Variants in GAGE1 observed in about 807,000 individuals in gnomAD.
GAGE1 encodes G antigen 4.
GAGE1 carries 5 observed loss-of-function variants against 5.0 expected under a neutral mutation model. The ratio of observed to expected loss-of-function variants is 1.00; its 90% confidence interval spans 0.52 to 2.11. The LOEUF (loss-of-function observed/expected upper bound fraction) is 2.11, where lower values mean the gene tolerates loss of function less well. Ranked by LOEUF, GAGE1 falls within the 30% of genes most tolerant of loss-of-function variation. GAGE1 has a pLI of 0.01. For synonymous variants in GAGE1, 6 were observed against 14.8 expected (o/e 0.40, Z 1.37); for missense variants, 9 against 38.9 (o/e 0.23, Z 2.04).
intron 4 of GAGE1, chrX:49,605,127 A>G (rs1449003296): frequency 1.1e-5 from 11 of 1,006,254 alleles, no homozygotes; most frequent in Admixed American, 7.5e-5. Context: ...TTTAGTTCCT[A>G]TCATCTGTGG....
At position 49,602,427 on chromosome X, in the gene GAGE1, C is replaced by T. The variant is rs1253685766; in HGVS notation, c.206-1241C>T. Among the ~76,000 whole-genome samples, 5 of 77,060 alleles carry T rather than the reference C, an allele frequency of 6.5e-5. 2 individuals carry two copies. Among genetic ancestry groups the T allele is most frequent in the Admixed American group, 2.7e-4 (2 of 7,350 alleles). 66.9% of individuals were successfully genotyped at this position (77,060 alleles called of 115,157 possible). A position where few individuals can be genotyped will look rare whatever the true frequency, so the allele number is the denominator to read the frequency against. On this transcript the variant is annotated intron_variant, in intron 3 of 4. Coordinates refer to ENST00000381700, the MANE Select transcript of GAGE1 (RefSeq NM_001040663.4). ...TCCTGTATGTATCTTCAAGTCATAG[C>T]ATTCATAGAAAATTTGCAAGAATAG...
chrX:49,602,113 C>A (rs1343258940), intron 3 of GAGE1, among the ~76,000 whole-genome samples: 2 of 109,573 alleles, frequency 1.8e-5, no homozygotes, highest in Non-Finnish European at 3.8e-5. Context: ...GAGTTCAAGC[C>A]CAGCCTGGGA....
intron 4 of GAGE1, among the ~76,000 whole-genome samples, chrX:49,605,679 G>A (rs1223716657): frequency 3.6e-5 from 4 of 111,377 alleles, no homozygotes; most frequent in African/African-American, 6.5e-5. Context: ...TGGAGGCCAA[G>A]GCGGGTGGAT....
chrX:49,605,584 A>G (rs1449579451), intron 4 of GAGE1, among the ~76,000 whole-genome samples: 1 of 111,819 alleles, frequency 8.9e-6, no homozygotes, highest in Non-Finnish European at 1.9e-5. Flanking sequence ...CCCAAACTGT[A>G]GTGTGCTTTG....
At chrX:49,605,109 A>T in intron 4 of GAGE1, 1 of 1,011,183 alleles carries the variant, frequency 9.9e-7, no homozygotes, top group African/African-American at 1.9e-5. Flanking sequence ...TCAAATGGCA[A>T]GAGACCGTTT....
At chrX:49,604,121 G>A (rs187821043) in intron 4 of GAGE1, among the ~76,000 whole-genome samples, 2 of 112,634 alleles carry the variant, frequency 1.8e-5, no homozygotes, top group African/African-American at 3.2e-5. Context: ...TGAAATTGCC[G>A]GGATTACAGG....
At chrX:49,602,581 CAT>C (rs1231256709) in intron 3 of GAGE1, among the ~76,000 whole-genome samples, 62 of 85,047 alleles carry the variant, frequency 7.3e-4, no homozygotes, top group African/African-American at 2.1e-3. Flanking sequence ...CACACACACA[CAT>C]ACGGATATAT....
At chrX:49,605,196 C>G (rs1328400987) in intron 4 of GAGE1, 1 of 884,783 alleles carries the variant, frequency 1.1e-6, no homozygotes, top group African/African-American at 2.0e-5. Context: ...TATGCATGCT[C>G]CCTGCCCCAC....
At chrX:49,604,206 A>G (rs1226260789) in intron 4 of GAGE1, among the ~76,000 whole-genome samples, 4 of 112,515 alleles carry the variant, frequency 3.6e-5, no homozygotes, top group African/African-American at 9.7e-5. Flanking sequence ...TTTAGTAAAG[A>G]GTTCTTATAT....
intron 4 of GAGE1, among the ~76,000 whole-genome samples, chrX:49,604,201 T>G (rs188770260): frequency 1.8e-5 from 2 of 112,644 alleles, no homozygotes. Context: ...GCCTCTTTAG[T>G]AAAGAGTTCT....
At chrX:49,605,103 A>G (rs2066647220) in intron 4 of GAGE1, 1 of 1,012,235 alleles carries the variant, frequency 9.9e-7, no homozygotes, top group Non-Finnish European at 1.3e-6. Flanking sequence ...GAAATATCAA[A>G]TGGCAAGAGA....
intron 4 of GAGE1, 104 bp from the exon 5 acceptor site, chrX:49,605,889 C>G (rs2066655242): frequency 7.9e-6 from 4 of 504,604 alleles, no homozygotes; most frequent in Non-Finnish European, 7.9e-6. Flanking sequence ...GCCTGGGCAA[C>G]AGAGTGAGAC....
chrX:49,602,458 T>A (rs2066616219), intron 3 of GAGE1, among the ~76,000 whole-genome samples: 1 of 78,162 alleles, frequency 1.3e-5, no homozygotes, highest in Admixed American at 1.3e-4. Flanking sequence ...AATAGTACAA[T>A]GAACTCATAT....
intron 4 of GAGE1, chrX:49,605,076 G>A (rs782394443): frequency 8.8e-6 from 9 of 1,019,612 alleles, no homozygotes; most frequent in Non-Finnish European, 9.0e-6. Context: ...CTTTCCCCAC[G>A]GAAACCTTGA....
chrX:49,604,043 G>A (rs1341296109), intron 4 of GAGE1, among the ~76,000 whole-genome samples: 2 of 112,650 alleles, frequency 1.8e-5, no homozygotes, highest in Non-Finnish European at 3.8e-5. Flanking sequence ...AGTAGAGACA[G>A]GGTTTCGTTA....
rs1557132358 is a variant in GAGE1, at chrX:49,607,684, ACT to A, written c.*1674_*1675del. On this transcript the variant is annotated 3_prime_UTR_variant, in exon 5 of 5. Transcript: ENST00000381700. ...TGTTCCTGTTTCTCTGCTGATATTA[ACT>A]CTCTGTGCACAGAAAGTTAAACGTC... 6 of 110,885 alleles carry A rather than the reference ACT, an allele frequency of 5.4e-5. No homozygotes were observed. The South Asian group carries it at 2.3e-3, about 42-fold the overall frequency. The allele number at this position is 110,885 out of a possible 1,213,427, so 9.1% of individuals were successfully genotyped here.
chrX:49,605,844 C>A (rs374612212), intron 4 of GAGE1, 149 bp from the exon 5 acceptor site: 2 of 282,386 alleles, frequency 7.1e-6, no homozygotes, highest in Admixed American at 7.2e-5. Flanking sequence ...AGAAGGCGGA[C>A]GTTGCAGTGA....
intron 4 of GAGE1, among the ~76,000 whole-genome samples, chrX:49,605,587 G>T (rs1317220185): frequency 1.1e-4 from 12 of 111,944 alleles, no homozygotes; most frequent in Non-Finnish European, 1.9e-4. Context: ...AAACTGTAGT[G>T]TGCTTTGTAT....
In GAGE1 at chrX:49,605,974, C is replaced by A. The variant is rs782092332; in HGVS notation, c.332-19C>A. ...ATCTGTTGCTCTGTAATGTTCCCAACTGTTTTGTTTTGTTTCAGGTGAAGG... is the reference window on the plus strand; with the variant it reads ...ATCTGTTGCTCTGTAATGTTCCCAAATGTTTTGTTTTGTTTCAGGTGAAGG... On this transcript the variant is annotated intron_variant, in intron 4 of 4. Coordinates refer to ENST00000381700, the MANE Select transcript of GAGE1 (RefSeq NM_001040663.4). 1.9e-6 allele frequency: 2 copies of A among 1,030,292 alleles called. No individual in the cohort carries two copies. The highest frequency in any genetic ancestry group is 6.4e-5 in the South Asian group (2 of 31,343). The allele number at this position is 1,030,292 out of a possible 1,213,427, so 84.9% of individuals were successfully genotyped here.
Sources: allele counts gnomAD v4.1 joint callset (sites outside exome capture counted in the v4.1 genomes callset), GRCh38; gene constraint gnomAD v4.1.1; transcripts MANE v1.5; gene names NCBI Gene and HGNC (gene_info 2026-07-23, HGNC 2026-07-21).